CNKSR3: variants seen among roughly 807,000 people sequenced by gnomAD.
CNKSR3 encodes the protein CNKSR family member 3, also known as connector enhancer of kinase suppressor of ras 3.
CNKSR3 carries 36 observed loss-of-function variants against 67.7 expected under a neutral mutation model. The observed-to-expected ratio is 0.53, with a 90% confidence interval of 0.41 to 0.70. The LOEUF (loss-of-function observed/expected upper bound fraction) is 0.70. Among genes scored for constraint, CNKSR3 ranks in the 30% least tolerant of loss-of-function variants. The probability of loss-of-function intolerance (pLI) is 0.00; values close to 1 mark genes in which losing one functional copy is unlikely to be tolerated. For synonymous variants in CNKSR3, 281 were observed against 271.4 expected (o/e 1.04, Z -0.35); for missense variants, 630 against 695.2 (o/e 0.91, Z 1.05).
chr6:154,494,578 TAA>T (rs1449998372), intron 1 of CNKSR3, among the ~76,000 whole-genome samples: 1 of 152,120 alleles, frequency 6.6e-6, no homozygotes, highest in Non-Finnish European at 1.5e-5. Flanking sequence ...ATTTTATAGC[TAA>T]TCCTATTAAG....
intron 1 of CNKSR3, among the ~76,000 whole-genome samples, chr6:154,488,669 A>C (rs1786725223): frequency 6.6e-6 from 1 of 152,240 alleles, no homozygotes; most frequent in African/African-American, 2.4e-5. Context: ...AAAAGTTACA[A>C]AACACAATTT....
At chr6:154,423,850 T>G (rs1423667683) in intron 7 of CNKSR3, among the ~76,000 whole-genome samples, 1 of 152,204 alleles carries the variant, frequency 6.6e-6, no homozygotes, top group Non-Finnish European at 1.5e-5. Flanking sequence ...CATTCAAAAA[T>G]GAGTCTTCAG....
chr6:154,485,900 G>A (rs1786656137), intron 1 of CNKSR3, among the ~76,000 whole-genome samples: 1 of 152,148 alleles, frequency 6.6e-6, no homozygotes, highest in Non-Finnish European at 1.5e-5. Context: ...AACCGGGCTG[G>A]TTTCCTTAAT....
chr6:154,441,860 AC>A (rs1473164551), intron 3 of CNKSR3, among the ~76,000 whole-genome samples: 1 of 152,184 alleles, frequency 6.6e-6, no homozygotes, highest in Non-Finnish European at 1.5e-5. Context: ...AACCTTTAGC[AC>A]AGTTTCACTC....
intron 1 of CNKSR3, among the ~76,000 whole-genome samples, chr6:154,451,254 G>A (rs906118572): frequency 7.9e-5 from 12 of 152,192 alleles, no homozygotes; most frequent in Non-Finnish European, 1.6e-4. Context: ...TTCCTGTACA[G>A]AGAACTTGTT....
intron 4 of CNKSR3, among the ~76,000 whole-genome samples, chr6:154,436,028 G>A (rs959075267): frequency 3.3e-5 from 5 of 152,164 alleles, no homozygotes; most frequent in Non-Finnish European, 7.3e-5. Context: ...CACGCGTCAA[G>A]CGTGGATGCA....
chr6:154,492,319 T>C (rs1283381439), intron 1 of CNKSR3, among the ~76,000 whole-genome samples: 3 of 151,054 alleles, frequency 2.0e-5, no homozygotes, highest in African/African-American at 7.4e-5. Flanking sequence ...CTCCCTACTC[T>C]CACTCACTTG....
chr6:154,419,153 C>A (rs1785084035), intron 9 of CNKSR3, among the ~76,000 whole-genome samples: 1 of 151,478 alleles, frequency 6.6e-6, no homozygotes, highest in Non-Finnish European at 1.5e-5. Context: ...CCCACCTTAG[C>A]CTCTCAAGTA....
intron 5 of CNKSR3, among the ~76,000 whole-genome samples, chr6:154,431,739 A>C (rs1362288262): frequency 4.6e-5 from 7 of 152,212 alleles, no homozygotes; most frequent in Non-Finnish European, 7.3e-5. Context: ...TAGAAAGTCA[A>C]ATAGTCAGAA....
At chr6:154,426,505 G>A (rs1399060311) in intron 7 of CNKSR3, among the ~76,000 whole-genome samples, 9 of 151,950 alleles carry the variant, frequency 5.9e-5, no homozygotes. Context: ...ACAGATGCGT[G>A]CCACCACGCC....
At chr6:154,441,778 C>T (rs1373988886) in intron 3 of CNKSR3, among the ~76,000 whole-genome samples, 3 of 151,990 alleles carry the variant, frequency 2.0e-5, no homozygotes, top group African/African-American at 7.3e-5. Context: ...GTTAACATCC[C>T]TTCTGAAGTC....
At chr6:154,505,308 C>T (rs972218327) in intron 1 of CNKSR3, among the ~76,000 whole-genome samples, 9 of 147,134 alleles carry the variant, frequency 6.1e-5, no homozygotes, top group African/African-American at 7.5e-5. Flanking sequence ...CAAATAGACA[C>T]GACAGGGAAA....
At chr6:154,501,941 C>A (rs1022851835) in intron 1 of CNKSR3, among the ~76,000 whole-genome samples, 5 of 151,998 alleles carry the variant, frequency 3.3e-5, no homozygotes, top group African/African-American at 1.2e-4. Context: ...TCCTGTATAA[C>A]AACAAAAGGG....
rs1046458818 is a variant in CNKSR3, at chr6:154,502,564, A to G, written c.52+7499T>C. 1.2e-4 allele frequency among the ~76,000 whole-genome samples: 19 copies of G among 152,236 alleles called. 1 individual carries two copies. In the South Asian group the frequency reaches 3.9e-3, roughly 32 times the overall value. ...GGATAGAGCAGAAACCAGGGACGGG[A>G]CAGGACCACAGAACAGAAGCCTGTG... On this transcript the variant is annotated intron_variant, in intron 1 of 12. Coordinates refer to ENST00000607772, the MANE Select transcript of CNKSR3 (RefSeq NM_173515.4).
intron 1 of CNKSR3, among the ~76,000 whole-genome samples, chr6:154,457,177 T>A (rs1357738372): frequency 6.6e-6 from 1 of 152,110 alleles, no homozygotes; most frequent in Non-Finnish European, 1.5e-5. Context: ...TTGGCTTCTA[T>A]GTGAGCGTAG....
chr6:154,458,424 T>C (rs1786004094), intron 1 of CNKSR3, among the ~76,000 whole-genome samples: 1 of 152,180 alleles, frequency 6.6e-6, no homozygotes. Flanking sequence ...TGAGCCACTT[T>C]ATTATTTTCT....
chr6:154,425,116 C>T (rs1054376436), intron 7 of CNKSR3, among the ~76,000 whole-genome samples: 3 of 152,186 alleles, frequency 2.0e-5, no homozygotes, highest in Non-Finnish European at 4.4e-5. Context: ...TTTATCTATG[C>T]TCCTTTTTGT....
At position 154,400,389 on chromosome 6, in the gene CNKSR3, T is replaced by A. The variant is rs973465923; in HGVS notation, c.*5965A>T. On this transcript the variant is annotated 3_prime_UTR_variant, in exon 13 of 13. Transcript: ENST00000607772. ...AAGACGAGCTTCATAAAGGTTGCCATAGAACTTTAGAATATGCCTATGGAT... is the reference window on the plus strand; with the variant it reads ...AAGACGAGCTTCATAAAGGTTGCCAAAGAACTTTAGAATATGCCTATGGAT... 1 of 152,212 alleles carries A rather than the reference T, an allele frequency of 6.6e-6. No homozygotes were observed. The highest frequency in any genetic ancestry group is 6.5e-5 in the Admixed American group (1 of 15,288). The allele number at this position is 152,212 out of a possible 1,614,324, so 9.4% of individuals were successfully genotyped here. A position where few individuals can be genotyped will look rare whatever the true frequency, so the allele number is the denominator to read the frequency against.
chr6:154,489,313 T>A (rs1415780161), intron 1 of CNKSR3, among the ~76,000 whole-genome samples: 1 of 152,142 alleles, frequency 6.6e-6, no homozygotes, highest in East Asian at 1.9e-4. Flanking sequence ...GGCAGATCAC[T>A]TGAGGTCAGG....
Sources: allele counts gnomAD v4.1 joint callset (sites outside exome capture counted in the v4.1 genomes callset), GRCh38; gene constraint gnomAD v4.1.1; transcripts MANE v1.5; gene names NCBI Gene and HGNC (gene_info 2026-07-23, HGNC 2026-07-21).